The following DMD variants were observed in gnomAD, a reference collection of about 807,000 sequenced individuals.
DMD encodes the protein dystrophin.
DMD carries 63 observed loss-of-function variants against 330.1 expected under a neutral mutation model. That is an observed-to-expected ratio of 0.19 (90% CI 0.16 to 0.24). The LOEUF is 0.24. Among genes scored for constraint, DMD ranks in the 10% least tolerant of loss-of-function variants. The pLI is 1.00. For missense variants in DMD, 3,344 were observed against 2,684.1 expected, an observed-to-expected ratio of 1.25 and a Z score of -5.43; for synonymous variants, 1,223 against 959.8, an observed-to-expected ratio of 1.27 and a Z score of -5.07.
At chrX:32,218,045 G>A (rs759922271) in intron 43 of DMD, among the ~76,000 whole-genome samples, 9 of 111,623 alleles carry the variant, frequency 8.1e-5, no homozygotes, top group Admixed American at 4.8e-4. Context: ...CACATGGAAA[G>A]AATATTAGGA....
intron 44 of DMD, among the ~76,000 whole-genome samples, chrX:32,008,497 T>C (rs1401048941): frequency 2.7e-5 from 3 of 111,710 alleles, no homozygotes; most frequent in Non-Finnish European, 5.7e-5. Context: ...ATTTACACAG[T>C]ATGTGTGGAT....
At chrX:32,473,341 T>C (rs1244411513) in intron 21 of DMD, among the ~76,000 whole-genome samples, 2 of 111,282 alleles carry the variant, frequency 1.8e-5, no homozygotes, top group Non-Finnish European at 3.8e-5. Flanking sequence ...CACAAAAAGA[T>C]AGAGAACACA....
intron 60 of DMD, among the ~76,000 whole-genome samples, chrX:31,434,418 G>GCGCACACACA (rs1195150508): frequency 3.8e-5 from 3 of 78,065 alleles, no homozygotes; most frequent in South Asian, 8.8e-4. Context: ...CAGCGCGCGC[G>GCGCACACACA]CACACACACA....
chrX:31,479,008 T>C lies in DMD; in HGVS notation c.8643A>G (p.Leu2881=), dbSNP rs747605156. The change falls in exon 58 of 79, where the codon CTA becomes CTG. Residue 2881 remains leucine, a synonymous_variant. Transcript: ENST00000357033. The stretch of plus-strand genomic sequence containing the variant: ...CTCTGGGCTCCTGGTAGAGTTTCTC[T>C]AGTCCTTCCAAAGGCTGCTCTGTCA... ...IFLTEQPLEG[L]EKLYQEPREL... 1.2e-5 allele frequency: 15 copies of C among 1,207,919 alleles called. No homozygotes were observed. The Admixed American group carries it at 2.8e-4, about 23-fold the overall frequency.
chrX:32,263,777 T>A (rs1400977858), intron 43 of DMD, among the ~76,000 whole-genome samples: 1 of 111,623 alleles, frequency 9.0e-6, no homozygotes, highest in Non-Finnish European at 1.9e-5. Flanking sequence ...TTCCATCTAA[T>A]TATAGACACA....
chrX:33,305,276 A>G (rs943784801), intron 1 of DMD, among the ~76,000 whole-genome samples: 1 of 106,937 alleles, frequency 9.4e-6, no homozygotes, highest in Non-Finnish European at 1.9e-5. Flanking sequence ...AGGGACATGG[A>G]TGAAATTGGA....
chrX:32,876,899 T>G (rs2083426900), intron 2 of DMD, among the ~76,000 whole-genome samples: 1 of 112,304 alleles, frequency 8.9e-6, no homozygotes, highest in Admixed American at 9.5e-5. Context: ...CGCAGGAATC[T>G]TTGTAGCCTC....
At chrX:32,680,385 T>G (rs991414041) in intron 9 of DMD, among the ~76,000 whole-genome samples, 6 of 111,401 alleles carry the variant, frequency 5.4e-5, no homozygotes, top group African/African-American at 1.6e-4. Context: ...GCCTGACGTT[T>G]TTGTCCAACA....
chrX:32,959,861 G>A (rs1380764982), intron 2 of DMD, among the ~76,000 whole-genome samples: 1 of 111,655 alleles, frequency 9.0e-6, no homozygotes, highest in Non-Finnish European at 1.9e-5. Flanking sequence ...AGCATCATCC[G>A]TGTTCTGTTC....
At chrX:32,219,628 GAAGTAC>G (rs1049641148) in intron 43 of DMD, among the ~76,000 whole-genome samples, 21 of 111,456 alleles carry the variant, frequency 1.9e-4, no homozygotes, top group African/African-American at 6.8e-4. Context: ...AGAGCACAGA[GAAGTAC>G]CAGTTGGTCA....
intron 60 of DMD, among the ~76,000 whole-genome samples, chrX:31,396,516 G>A (rs1217233160): frequency 9.9e-6 from 1 of 101,363 alleles, no homozygotes; most frequent in Non-Finnish European, 2.0e-5. Context: ...TCACCCATAC[G>A]TCAATTCTAC....
intron 55 of DMD, among the ~76,000 whole-genome samples, chrX:31,521,442 C>T (rs2072756029): frequency 8.9e-6 from 1 of 112,116 alleles, no homozygotes; most frequent in Non-Finnish European, 1.9e-5. Context: ...GGATTATAGG[C>T]GTGAGCCACT....
intron 44 of DMD, among the ~76,000 whole-genome samples, chrX:32,145,977 A>C (rs1423946170): frequency 8.9e-6 from 1 of 112,056 alleles, no homozygotes; most frequent in Non-Finnish European, 1.9e-5. Flanking sequence ...GTAAAATGAG[A>C]AAAATAAAAA....
At chrX:32,349,692 T>G (rs2097775372) in intron 37 of DMD, among the ~76,000 whole-genome samples, 1 of 111,941 alleles carries the variant, frequency 8.9e-6, no homozygotes, top group African/African-American at 3.2e-5. Context: ...TCAAATTCTA[T>G]TCATGATGAC....
intron 60 of DMD, among the ~76,000 whole-genome samples, chrX:31,369,801 T>C (rs938874997): frequency 1.8e-5 from 2 of 111,504 alleles, no homozygotes; most frequent in Non-Finnish European, 3.8e-5. Flanking sequence ...TGAACATCCA[T>C]ATGCAAAAAA....
chrX:32,400,931 C>T (rs2098082204), intron 30 of DMD, among the ~76,000 whole-genome samples: 1 of 110,475 alleles, frequency 9.1e-6, no homozygotes, highest in South Asian at 3.9e-4. Flanking sequence ...GGAACCAACC[C>T]AAATGTCTCA....
chrX:32,629,412 G>T (rs1048158186), intron 11 of DMD, among the ~76,000 whole-genome samples: 2 of 110,914 alleles, frequency 1.8e-5, no homozygotes, highest in Non-Finnish European at 3.8e-5. Context: ...ATCTTTATTG[G>T]TCAAGTGTGT....
chrX:33,279,187 AAATT>A, intron 1 of DMD, among the ~76,000 whole-genome samples: 1 of 112,028 alleles, frequency 8.9e-6, no homozygotes, highest in East Asian at 2.8e-4. Flanking sequence ...GAATCTCAAT[AAATT>A]TCGAAAATTG....
intron 60 of DMD, among the ~76,000 whole-genome samples, chrX:31,403,294 A>C (rs1422977883): frequency 2.7e-5 from 3 of 111,957 alleles, no homozygotes; most frequent in Non-Finnish European, 3.8e-5. Flanking sequence ...AAGAGAAGAA[A>C]GTCCTTTCTG....
Sources: gnomAD v4.1 joint callset for allele counts (sites outside exome capture counted in the v4.1 genomes callset) on GRCh38, gnomAD v4.1.1 for gene constraint, MANE v1.5 for transcripts, NCBI Gene and HGNC (gene_info 2026-07-23, HGNC 2026-07-21) for gene names.